TTLL11: variants seen among roughly 807,000 people sequenced by gnomAD.
The protein encoded by TTLL11 is tubulin tyrosine ligase like 11.
Under a neutral mutation model 51.7 loss-of-function variants are expected in TTLL11, and 42 were observed. The observed-to-expected ratio is 0.81, with a 90% CI of 0.64 to 1.05. The LOEUF (loss-of-function observed/expected upper bound fraction) is 1.05. TTLL11 is among the 50% of genes least tolerant of loss of function. TTLL11 has a pLI of 0.00. For missense variants in TTLL11, 799 were observed against 940.4 expected, an observed-to-expected ratio of 0.85 and a Z score of 1.97; for synonymous variants, 381 against 383.5, an observed-to-expected ratio of 0.99 and a Z score of 0.08.
chr9:121,959,822 G>C (rs1269502810), intron 6 of TTLL11, among the ~76,000 whole-genome samples: 1 of 151,774 alleles, frequency 6.6e-6, no homozygotes, highest in Admixed American at 6.6e-5. Context: ...CATTAATTAG[G>C]CCCTGCAGCT....
intron 3 of TTLL11, among the ~76,000 whole-genome samples, chr9:121,998,390 G>A (rs1047514754): frequency 1.3e-5 from 2 of 151,988 alleles, no homozygotes; most frequent in Non-Finnish European, 2.9e-5. Context: ...GGGTTCAAGC[G>A]ATTCTCGTGC....
At chr9:121,872,075 C>T (rs1345110121) in intron 6 of TTLL11, among the ~76,000 whole-genome samples, 2 of 152,226 alleles carry the variant, frequency 1.3e-5, no homozygotes, top group Non-Finnish European at 2.9e-5. Flanking sequence ...GGTACTGAGA[C>T]GTGCTGCTGT....
At chr9:122,054,107 C>T (rs867099714) in intron 1 of TTLL11, among the ~76,000 whole-genome samples, 3 of 151,252 alleles carry the variant, frequency 2.0e-5, no homozygotes, top group African/African-American at 7.3e-5. Context: ...GCCATTCATC[C>T]TTCACTGAGT....
intron 6 of TTLL11, among the ~76,000 whole-genome samples, chr9:121,901,182 TG>T (rs577003572): frequency 2.0e-5 from 3 of 152,250 alleles, no homozygotes; most frequent in Non-Finnish European, 4.4e-5. Flanking sequence ...TTTTGTATAC[TG>T]ATTTAGTATC....
intron 3 of TTLL11, among the ~76,000 whole-genome samples, chr9:122,003,361 G>A (rs1412149918): frequency 6.6e-6 from 1 of 151,958 alleles, no homozygotes; most frequent in Non-Finnish European, 1.5e-5. Context: ...TATAAGATAT[G>A]GTGATATGGT....
At chr9:121,916,273 A>C (rs1299678985) in intron 6 of TTLL11, among the ~76,000 whole-genome samples, 1 of 152,190 alleles carries the variant, frequency 6.6e-6, no homozygotes, top group Non-Finnish European at 1.5e-5. Context: ...ACATAGTGTG[A>C]TCCTGTTTTT....
intron 6 of TTLL11, among the ~76,000 whole-genome samples, chr9:121,884,378 A>G (rs1239219361): frequency 6.6e-6 from 1 of 152,212 alleles, no homozygotes; most frequent in African/African-American, 2.4e-5. Context: ...CGACTCTTTT[A>G]GTTTCCCTAC....
intron 6 of TTLL11, among the ~76,000 whole-genome samples, chr9:121,946,909 A>G (rs139863802): frequency 2.0e-5 from 3 of 152,098 alleles, no homozygotes; most frequent in African/African-American, 7.2e-5. Context: ...ACCCCCATTC[A>G]TTAGATCACC....
At chr9:122,067,314 A>G (rs1440130486) in intron 1 of TTLL11, among the ~76,000 whole-genome samples, 1 of 152,190 alleles carries the variant, frequency 6.6e-6, no homozygotes, top group Admixed American at 6.5e-5. Flanking sequence ...AACAAAAACA[A>G]AAGAGGCACT....
intron 6 of TTLL11, among the ~76,000 whole-genome samples, chr9:121,894,038 T>C (rs1839358076): frequency 6.6e-6 from 1 of 152,106 alleles, no homozygotes; most frequent in Non-Finnish European, 1.5e-5. Flanking sequence ...TTTCACCAAA[T>C]GTTTGAGCAA....
chr9:122,007,235 A>G (rs1392889139), intron 3 of TTLL11, among the ~76,000 whole-genome samples: 9 of 152,056 alleles, frequency 5.9e-5, no homozygotes, highest in African/African-American at 2.2e-4. Context: ...GGCTGAGTCC[A>G]GGGCAGGGCA....
intron 8 of TTLL11, among the ~76,000 whole-genome samples, chr9:121,846,691 G>T (rs1054147850): frequency 6.6e-6 from 1 of 151,934 alleles, no homozygotes; most frequent in African/African-American, 2.4e-5. Context: ...CAACATATAG[G>T]TCCAAAAAAA....
At chr9:122,051,117 A>ATATCC (rs1588239546) in intron 1 of TTLL11, among the ~76,000 whole-genome samples, 1 of 152,220 alleles carries the variant, frequency 6.6e-6, no homozygotes, top group Admixed American at 6.5e-5. Flanking sequence ...TAAGATTAAT[A>ATATCC]TATCCTTATA....
chr9:121,964,234 TA>T (rs1842329970), intron 6 of TTLL11, among the ~76,000 whole-genome samples: 1 of 152,024 alleles, frequency 6.6e-6, no homozygotes, highest in Non-Finnish European at 1.5e-5. Context: ...ACACATTCAT[TA>T]GAGGAGAGGA....
intron 1 of TTLL11, among the ~76,000 whole-genome samples, chr9:122,052,014 T>A (rs1367310442): frequency 6.7e-6 from 1 of 149,410 alleles, no homozygotes; most frequent in Non-Finnish European, 1.5e-5. Flanking sequence ...CCTTCAAGAG[T>A]GGACAAAAAA....
At chr9:121,829,102 A>G (rs1323907124) in intron 8 of TTLL11, among the ~76,000 whole-genome samples, 2 of 151,870 alleles carry the variant, frequency 1.3e-5, no homozygotes, top group African/African-American at 4.8e-5. Context: ...ACAGGTGCCC[A>G]TCACCATGCC....
At chr9:121,849,028 A>G (rs1285554856) in intron 8 of TTLL11, among the ~76,000 whole-genome samples, 1 of 152,256 alleles carries the variant, frequency 6.6e-6, no homozygotes, top group African/African-American at 2.4e-5. Flanking sequence ...TCAAAACAGT[A>G]TGGTATTAGT....
At chr9:121,902,278 G>A (rs1433870097) in intron 6 of TTLL11, among the ~76,000 whole-genome samples, 8 of 152,138 alleles carry the variant, frequency 5.3e-5, no homozygotes, top group Non-Finnish European at 8.8e-5. Context: ...AAACTATGAT[G>A]AACATATTTT....
rs746862595 is a variant in TTLL11 at position 121,945,280 on chromosome 9, G to T, written c.1481+28729C>A. 1.9e-4 allele frequency among the ~76,000 whole-genome samples: 29 copies of T among 152,316 alleles called. No homozygotes were observed. The Middle Eastern group carries it at 0.014, about 71-fold the overall frequency. Reference sequence around the variant, plus strand: ...TTAATAATATGAACAAAGGAGGTTTGCTGAGGTCCCATCAGTTTAATTCCA... The same window carrying T: ...TTAATAATATGAACAAAGGAGGTTTTCTGAGGTCCCATCAGTTTAATTCCA... On this transcript the variant is annotated intron_variant, in intron 6 of 8. Transcript: ENST00000321582.
Sources: gnomAD v4.1 joint callset for allele counts (sites outside exome capture counted in the v4.1 genomes callset) on GRCh38, gnomAD v4.1.1 for gene constraint, MANE v1.5 for transcripts, NCBI Gene and HGNC (gene_info 2026-07-23, HGNC 2026-07-21) for gene names.